Variants in PDXDC1 observed in about 807,000 individuals in gnomAD.
PDXDC1 encodes the protein pyridoxal dependent decarboxylase domain containing 1, also known as pyridoxal-dependent decarboxylase domain-containing protein 1.
PDXDC1 carries 42 observed loss-of-function variants against 100.1 expected under a neutral mutation model. That is an observed-to-expected ratio of 0.42 (90% confidence interval 0.33 to 0.54). The LOEUF is 0.54. PDXDC1 is among the 20% of genes least tolerant of loss of function. PDXDC1 has a pLI of 0.10. For missense variants in PDXDC1, 636 were observed against 979.2 expected (o/e 0.65, Z 4.68); for synonymous variants, 260 against 371.7 (o/e 0.70, Z 3.46).
chr16:14,991,265 A>ATG (rs759288384), intron 1 of PDXDC1, among the ~76,000 whole-genome samples: 98 of 137,854 alleles, frequency 7.1e-4, no homozygotes, highest in African/African-American at 1.9e-3. Flanking sequence ...ATGTATATAG[A>ATG]TATGTGTGTG....
chr16:15,077,623 T>G (rs1042180780), intron 16 of PDXDC1, among the ~76,000 whole-genome samples: 6 of 152,124 alleles, frequency 3.9e-5, no homozygotes, highest in African/African-American at 1.4e-4. Context: ...GGACGGATCA[T>G]GAGGTCAGGA....
intron 16 of PDXDC1, among the ~76,000 whole-genome samples, chr16:15,056,351 T>C (rs1013606369): frequency 3.9e-5 from 6 of 152,206 alleles, no homozygotes; most frequent in African/African-American, 1.2e-4. Flanking sequence ...GGCGAGTTCC[T>C]GGGGCGGGTT....
At chr16:15,103,502 A>T in intron 16 of PDXDC1, 3 of 575,844 alleles carry the variant, frequency 5.2e-6, no homozygotes, top group Non-Finnish European at 6.2e-6. Context: ...TGTAAGTGAT[A>T]TTTATTTTAT....
intron 14 of PDXDC1, among the ~76,000 whole-genome samples, chr16:15,027,051 A>G (rs1445756391): frequency 6.6e-6 from 1 of 152,270 alleles, no homozygotes; most frequent in Non-Finnish European, 1.5e-5. Context: ...GAATGACCCA[A>G]GTGCCACCAG....
the PDXDC1 span, among the ~76,000 whole-genome samples, chr16:15,148,833 C>T: frequency 6.6e-6 from 1 of 152,176 alleles, no homozygotes; most frequent in Non-Finnish European, 1.5e-5. Context: ...TTCCCAACTG[C>T]TACAGACACA....
chr16:15,053,058 T>G (rs1282590682), intron 16 of PDXDC1, among the ~76,000 whole-genome samples: 1 of 152,186 alleles, frequency 6.6e-6, no homozygotes, highest in Admixed American at 6.5e-5. Context: ...CCATGCTGTC[T>G]GCTCGGCACT....
chr16:15,010,902 A>T (rs545613842), intron 8 of PDXDC1, among the ~76,000 whole-genome samples: 1 of 152,412 alleles, frequency 6.6e-6, no homozygotes, highest in South Asian at 2.1e-4. Flanking sequence ...AGATCTGTAC[A>T]TTGAGAACTA....
intron 16 of PDXDC1, among the ~76,000 whole-genome samples, chr16:15,088,331 G>C (rs1369361382): frequency 2.6e-5 from 4 of 152,056 alleles, no homozygotes; most frequent in African/African-American, 9.7e-5. Flanking sequence ...GCCAGGCATG[G>C]TAGCACATGC....
chr16:14,990,298 G>A lies in PDXDC1; in HGVS notation c.22-7455G>A, dbSNP rs1478317050. 5.4e-5 allele frequency: 11 copies of A among 205,170 alleles called. No individual in the cohort carries two copies. The South Asian group carries it at 1.6e-3, about 30-fold the overall frequency. 12.7% of individuals were successfully genotyped at this position (205,170 alleles called of 1,614,324 possible). ...GGCCCCCGCCGCAACCGCCGCAGCA[G>A]CCGCCATCGCTGCTTCCTCCTCCTT... On this transcript the variant is annotated intron_variant, in intron 1 of 22. Transcript: ENST00000396410.
At chr16:14,990,403 A>G (rs537933890) in intron 1 of PDXDC1, among the ~76,000 whole-genome samples, 21 of 152,412 alleles carry the variant, frequency 1.4e-4, no homozygotes, top group African/African-American at 3.8e-4. Context: ...TCATACAGCT[A>G]TTTTGGCATT....
At chr16:15,005,084 C>T (rs545032210) in intron 5 of PDXDC1, among the ~76,000 whole-genome samples, 1 of 152,260 alleles carries the variant, frequency 6.6e-6, no homozygotes, top group Non-Finnish European at 1.5e-5. Context: ...TGAGGCCAGG[C>T]ACGGTGGCTC....
In PDXDC1 at chr16:15,026,639, C is replaced by A; in HGVS notation, c.1141-4C>A. On this transcript the variant is annotated splice_polypyrimidine_tract_variant and splice_region_variant and intron_variant, in intron 13 of 22. Coordinates refer to ENST00000396410, the MANE Select transcript of PDXDC1 (RefSeq NM_015027.4). The stretch of plus-strand genomic sequence containing the variant: ...TTGGTGATATGAGACTTCCATTCTT[C>A]CAGGTGGAAGATGAGCTCAGCTCCC... 6.2e-7 allele frequency: 1 copy of A among 1,612,562 alleles called. No homozygotes were observed. Among genetic ancestry groups the A allele is most frequent in the Middle Eastern group, 1.7e-4 (1 of 6,052 alleles).
chr16:15,053,254 G>A (rs1360691018), intron 16 of PDXDC1, among the ~76,000 whole-genome samples: 2 of 152,206 alleles, frequency 1.3e-5, no homozygotes, highest in Non-Finnish European at 2.9e-5. Context: ...GTGGGGCCTG[G>A]GGCCAGTTTC....
At chr16:15,090,823 T>C (rs1350543071) in intron 16 of PDXDC1, among the ~76,000 whole-genome samples, 1 of 151,840 alleles carries the variant, frequency 6.6e-6, no homozygotes, top group Non-Finnish European at 1.5e-5. Flanking sequence ...ATTCAGCTTT[T>C]ACTACATGAT....
chr16:15,135,990 G>A (rs2048330926), intron 16 of PDXDC1: 2 of 1,555,268 alleles, frequency 1.3e-6, no homozygotes, highest in South Asian at 1.1e-5. Context: ...GCCCGAGCCA[G>A]ATGCAGTGCT....
rs141497614 is a variant in PDXDC1, at chr16:15,029,051, T to C, written c.1293+85T>C. Reference sequence around the variant, plus strand: ...CTGGTGAGGGTGACGCGTGCTCGTGTATGGGAACTGAGGCCCACAGGAGGA... The same window carrying C: ...CTGGTGAGGGTGACGCGTGCTCGTGCATGGGAACTGAGGCCCACAGGAGGA... On this transcript the variant is annotated intron_variant, in intron 15 of 22. Coordinates refer to ENST00000396410, the MANE Select transcript of PDXDC1 (RefSeq NM_015027.4). 1.8e-4 allele frequency: 260 copies of C among 1,465,898 alleles called. 2 individuals are homozygous for C. The East Asian group carries it at 6.0e-3, about 34-fold the overall frequency. 90.8% of individuals were successfully genotyped at this position (1,465,898 alleles called of 1,614,324 possible). A position where few individuals can be genotyped will look rare whatever the true frequency, so the allele number is the denominator to read the frequency against.
At chr16:15,060,821 T>A (rs1027608715) in intron 16 of PDXDC1, 3 of 152,194 alleles carry the variant, frequency 2.0e-5, no homozygotes, top group African/African-American at 7.2e-5. Context: ...TCTAAAAAAA[T>A]TTTCCTGTTT....
chr16:14,994,489 A>G (rs1262580162), intron 1 of PDXDC1, among the ~76,000 whole-genome samples: 33 of 152,268 alleles, frequency 2.2e-4, no homozygotes, highest in Admixed American at 2.2e-3. Flanking sequence ...ATTGTGTTCC[A>G]TTGGTCTATA....
At chr16:15,142,409 A>G (rs1274840644), downstream of PDXDC1, among the ~76,000 whole-genome samples, 1 of 152,006 alleles carries the variant, frequency 6.6e-6, no homozygotes, top group Non-Finnish European at 1.5e-5. Context: ...AGGCCCACAA[A>G]TGCAGCAAGG....
Sources: allele counts gnomAD v4.1 joint callset (sites outside exome capture counted in the v4.1 genomes callset), GRCh38; gene constraint gnomAD v4.1.1; transcripts MANE v1.5; gene names NCBI Gene and HGNC (gene_info 2026-07-23, HGNC 2026-07-21).